GTSE1: variants seen among roughly 807,000 people sequenced by gnomAD.
GTSE1 encodes G2 and S-phase expressed 1.
GTSE1 carries 52 observed loss-of-function variants against 60.5 expected under a neutral mutation model. The ratio of observed to expected loss-of-function variants is 0.86; its 90% CI spans 0.69 to 1.08. The LOEUF (loss-of-function observed/expected upper bound fraction) is 1.08. Ranked by LOEUF, GTSE1 falls within the 50% of genes least tolerant of loss-of-function variation. GTSE1 has a pLI of 0.00. For synonymous variants in GTSE1, 368 were observed against 386.5 expected (o/e 0.95, Z 0.56); for missense variants, 937 against 961.8 (o/e 0.97, Z 0.34).
At chr22:46,302,974 A>C (rs1377665418) in intron 2 of GTSE1, among the ~76,000 whole-genome samples, 1 of 139,478 alleles carries the variant, frequency 7.2e-6, no homozygotes, top group Non-Finnish European at 1.5e-5. Context: ...ATCTTGGCTC[A>C]CTGCAAGCTC....
chr22:46,324,314 T>C lies in GTSE1; in HGVS notation c.1505+1052T>C, dbSNP rs1223250757. On this transcript the variant is annotated intron_variant, in intron 8 of 11. Transcript: ENST00000454366. The surrounding 1 kb of genome is among the most constrained non-coding windows in gnomAD (Gnocchi z 5.2). ...CCTCACTTGCCTCTCTGTGCCTCAG[T>C]TTCCTCACCTCACCCAGGGTTACTT... 2.0e-5 allele frequency among the ~76,000 whole-genome samples: 3 copies of C among 152,190 alleles called. No homozygotes were observed. Among genetic ancestry groups the C allele is most frequent in the African/African-American group, 7.2e-5 (3 of 41,458 alleles).
intron 2 of GTSE1, among the ~76,000 whole-genome samples, chr22:46,298,916 C>A (rs2077673610): frequency 6.6e-6 from 1 of 152,220 alleles, no homozygotes; most frequent in Admixed American, 6.5e-5. Flanking sequence ...CGTTGCCTCT[C>A]CATTGCTGTG....
At chr22:46,306,338 C>T (rs972336912) in intron 2 of GTSE1, among the ~76,000 whole-genome samples, 2 of 151,840 alleles carry the variant, frequency 1.3e-5, no homozygotes, top group African/African-American at 2.4e-5. Flanking sequence ...CCTGCCACCA[C>T]GCCCGGCTAA....
Position 46,310,537 on chromosome 22 carries a change from A to C in GTSE1, c.762+1594A>C, listed in dbSNP as rs1245953962. 6.6e-6 allele frequency among the ~76,000 whole-genome samples: 1 copy of C among 152,230 alleles called. No homozygotes were observed. The highest frequency in any genetic ancestry group is 1.5e-5 in the Non-Finnish European group (1 of 68,034). On this transcript the variant is annotated intron_variant, in intron 4 of 11. Coordinates refer to ENST00000454366, the MANE Select transcript of GTSE1 (RefSeq NM_016426.7). The surrounding 1 kb of genome is among the most constrained non-coding windows in gnomAD (Gnocchi z 4.4). ...GCAGATGTTCGAAGCAGCATTATTC[A>C]TAACAGCCAAAAAAGTAGGACCAAC... is the stretch of plus-strand genomic sequence containing the variant.
chr22:46,326,296 C>G lies in GTSE1; in HGVS notation c.1506-140C>G, dbSNP rs574019902. ...CGCCTTGGGGCCTGTCCCAGGAGAG[C>G]GGAGCTCACACGGGCTCCCTGGCTT... On this transcript the variant is annotated intron_variant, in intron 8 of 11. Transcript: ENST00000454366. 4.6e-3 allele frequency: 2,979 copies of G among 650,082 alleles called. 12 individuals are homozygous for G. The highest frequency in any genetic ancestry group is 6.5e-3 in the Non-Finnish European group (2,604 of 400,742). The allele number at this position is 650,082 out of a possible 1,614,324, so 40.3% of individuals were successfully genotyped here.
rs145330697 is a variant in GTSE1, at chr22:46,308,874, C to A, written c.693C>A (p.Pro231=). Residue 231 remains proline, a synonymous_variant, in exon 4 of 12, where the codon CCC becomes CCA. Transcript: ENST00000454366. The part of the protein sequence containing the change: ...AASQAATQRK[P]GTKLLLPRAA... ...GTCAGGCAGCGACTCAGAGGAAGCC[C>A]GGGACCAAATTGCTGCTGCCTCGAG... 31 of 1,613,080 alleles carry A rather than the reference C, an allele frequency of 1.9e-5. No homozygotes were observed. The South Asian group carries it at 3.3e-4, about 17-fold the overall frequency.
At position 46,319,351 on chromosome 22, in the gene GTSE1, C is replaced by T. The variant is rs748549732; in HGVS notation, c.1432+2939C>T. On this transcript the variant is annotated intron_variant, in intron 7 of 11. Transcript: ENST00000454366. This position sits in a 1 kb window ranked among gnomAD's most constrained non-coding sequence, Gnocchi z 5.0. ...CCGAAGAGTGGTGGGGAGGGTAATGCGGACCTGGCCCTCACTGTGTTGGGG... is the reference window on the plus strand; with the variant it reads ...CCGAAGAGTGGTGGGGAGGGTAATGTGGACCTGGCCCTCACTGTGTTGGGG... Among the ~76,000 whole-genome samples the T allele has an allele frequency of 1.3e-5, 2 of 152,052 alleles. No individual in the cohort carries two copies. Among genetic ancestry groups the T allele is most frequent in the African/African-American group, 2.4e-5 (1 of 41,396 alleles).
chr22:46,328,753 G>C lies in GTSE1; in HGVS notation c.1790G>C (p.Arg597Thr), dbSNP rs200478512. ...AGGCTGGTGGATGTGTCCCCTGACA[G>C]GGGTTCTCCTCCTTCCCGTGTGCCT... ...DSRLVDVSPD[R>T]GSPPSRVPQA... is the part of the protein sequence containing the mutation. The change falls in exon 10 of 12, where the codon AGG becomes ACG. Residue 597 changes from arginine to threonine, a missense_variant. Physicochemically the swap from Arg to Thr is moderately conservative, Grantham distance 71. Coordinates refer to ENST00000454366, the MANE Select transcript of GTSE1 (RefSeq NM_016426.7). The C allele has an allele frequency of 4.2e-5, 67 of 1,613,858 alleles. No homozygotes were observed. The East Asian group carries it at 1.4e-3, about 35-fold the overall frequency.
intron 2 of GTSE1, among the ~76,000 whole-genome samples, chr22:46,302,537 T>A (rs1313631231): frequency 6.6e-6 from 1 of 152,032 alleles, no homozygotes; most frequent in Non-Finnish European, 1.5e-5. Context: ...AATTTTTGTA[T>A]TTTTTGTACA....
At position 46,312,305 on chromosome 22, in the gene GTSE1, G is replaced by A. The variant is rs1351501293; in HGVS notation, c.927G>A (p.Lys309=). The A allele has an allele frequency of 1.9e-6, 3 of 1,608,126 alleles. No individual in the cohort carries two copies. The highest frequency in any genetic ancestry group is 1.7e-5 in the Admixed American group (1 of 58,894). The part of the protein sequence containing the change: ...QGKRAIPVPN[K]LGLKKTLLKA... ...AGCGGGCGATCCCTGTTCCAAACAA[G>A]GTGAGTTGGCTGCTGGGGCCCAAAC... The change falls in exon 5 of 12, where the codon AAG becomes AAA. Residue 309 remains lysine, a splice_region_variant and synonymous_variant. Coordinates refer to ENST00000454366, the MANE Select transcript of GTSE1 (RefSeq NM_016426.7).
Position 46,309,482 on chromosome 22 carries a change from G to A in GTSE1, c.762+539G>A, listed in dbSNP as rs868309685. Among the ~76,000 whole-genome samples the A allele has an allele frequency of 2.1e-4, 32 of 152,122 alleles. No individual in the cohort carries two copies. Among genetic ancestry groups the A allele is most frequent in the African/African-American group, 9.7e-5 (4 of 41,428 alleles). On this transcript the variant is annotated intron_variant, in intron 4 of 11. Transcript: ENST00000454366. The surrounding 1 kb of genome is among the most constrained non-coding windows in gnomAD (Gnocchi z 6.2). ...GGGCTGCCCGATCTGGCTCTTGCTCGGGAGAGGCCACAGAGAGGAAGACGG... is the reference window on the plus strand; with the variant it reads ...GGGCTGCCCGATCTGGCTCTTGCTCAGGAGAGGCCACAGAGAGGAAGACGG...
chr22:46,313,851 A>C lies in GTSE1; in HGVS notation c.928-39A>C. ...AGACACAAGTAATAGGTAAATAACG[A>C]GATCTTTGCTGATTCTGTTTTTTCA... On this transcript the variant is annotated intron_variant, in intron 5 of 11. Transcript: ENST00000454366. The surrounding 1 kb of genome is among the most constrained non-coding windows in gnomAD (Gnocchi z 4.4). The C allele has an allele frequency of 6.2e-7, 1 of 1,612,210 alleles. No individual in the cohort carries two copies. Among genetic ancestry groups the C allele is most frequent in the East Asian group, 2.2e-5 (1 of 44,810 alleles).
intron 10 of GTSE1, 84 bp downstream of exon 10, chr22:46,328,973 C>T (rs1372362789): frequency 9.0e-7 from 1 of 1,106,246 alleles, no homozygotes; most frequent in Admixed American, 1.8e-5. Context: ...AGGGCTGTGG[C>T]TGGCGGAGTT....
Position 46,330,707 on chromosome 22 carries a change from T to C in GTSE1, c.*577T>C, listed in dbSNP as rs1024155745. ...GAAGAATTTTCTTTTGAATGTTTTG[T>C]ATGTAAAATAGCAAGTGGCTATTTT... On this transcript the variant is annotated 3_prime_UTR_variant, in exon 12 of 12. Transcript: ENST00000454366. This position sits in a 1 kb window ranked among gnomAD's most constrained non-coding sequence, Gnocchi z 6.0. The C allele has an allele frequency of 6.6e-6, 1 of 152,502 alleles. No homozygotes were observed. The highest frequency in any genetic ancestry group is 2.4e-5 in the African/African-American group (1 of 41,450). The allele number at this position is 152,502 out of a possible 1,614,324, so 9.4% of individuals were successfully genotyped here. A position where few individuals can be genotyped will look rare whatever the true frequency, so the allele number is the denominator to read the frequency against.
In GTSE1 at chr22:46,319,777, G is replaced by C. The variant is rs1779790610; in HGVS notation, c.1432+3365G>C. On this transcript the variant is annotated intron_variant, in intron 7 of 11. Transcript: ENST00000454366. This position sits in a 1 kb window ranked among gnomAD's most constrained non-coding sequence, Gnocchi z 5.0. The stretch of plus-strand genomic sequence containing the variant: ...GAGGTGAGCAGATCACCTGAGGTCA[G>C]GAGTTCGAGAGCAGCCTGGTCAACA... Among the ~76,000 whole-genome samples the C allele has an allele frequency of 6.6e-6, 1 of 152,104 alleles. No homozygotes were observed. Among genetic ancestry groups the C allele is most frequent in the Admixed American group, 6.6e-5 (1 of 15,266 alleles).
intron 2 of GTSE1, among the ~76,000 whole-genome samples, chr22:46,299,486 A>G (rs1463687102): frequency 6.6e-6 from 1 of 151,984 alleles, no homozygotes; most frequent in Non-Finnish European, 1.5e-5. Flanking sequence ...CTCATCACCC[A>G]TTTTATTTCT....
rs1206455226 is a variant in GTSE1 at position 46,302,709 on chromosome 22, C to T, written c.79+5230C>T. Among the ~76,000 whole-genome samples, 8 of 151,968 alleles carry T rather than the reference C, an allele frequency of 5.3e-5. No homozygotes were observed. In the South Asian group the frequency reaches 1.7e-3, roughly 32 times the overall value. On this transcript the variant is annotated intron_variant, in intron 2 of 11. Coordinates refer to ENST00000454366, the MANE Select transcript of GTSE1 (RefSeq NM_016426.7). Reference sequence around the variant, plus strand: ...GTTTAGTGTCATAGTTAGAAGTCCACACTCCCAAGTTACAAAAGTTTCCTC... The same window carrying T: ...GTTTAGTGTCATAGTTAGAAGTCCATACTCCCAAGTTACAAAAGTTTCCTC...
At position 46,297,458 on chromosome 22, in the gene GTSE1, A is replaced by G. The variant is rs1465030794; in HGVS notation, c.58A>G (p.Met20Val). The G allele has an allele frequency of 2.5e-6, 4 of 1,613,352 alleles. No individual in the cohort carries two copies. The highest frequency in any genetic ancestry group is 3.4e-6 in the Non-Finnish European group (4 of 1,179,272). ...PSACRAGDVN[M>V]DDPKKEDILL... is the part of the protein sequence containing the mutation. The stretch of plus-strand genomic sequence containing the variant: ...AGCCTGCCGGGCAGGGGACGTGAAC[A>G]TGGATGACCCTAAGAAGGAAGGCAA... The change falls in exon 2 of 12, where the codon ATG (methionine) becomes GTG (valine). Residue 20 changes from methionine to valine, a missense_variant. Physicochemically the swap from Met to Val is conservative, Grantham distance 21. Transcript: ENST00000454366. The surrounding 1 kb of genome is among the most constrained non-coding windows in gnomAD (Gnocchi z 4.9).
rs749314328 is a variant in GTSE1 at position 46,326,661 on chromosome 22, C to T, written c.1724+7C>T. The stretch of plus-strand genomic sequence containing the variant: ...GCAAGAACTCTGCAATGAGGTAAGA[C>T]ACGAAGGTGGTAATAAATTGGTCTC... On this transcript the variant is annotated splice_region_variant and intron_variant, in intron 9 of 11. Coordinates refer to ENST00000454366, the MANE Select transcript of GTSE1 (RefSeq NM_016426.7). 2 of 1,579,426 alleles carry T rather than the reference C, an allele frequency of 1.3e-6. No individual in the cohort carries two copies. The highest frequency in any genetic ancestry group is 1.8e-5 in the Admixed American group (1 of 57,048).
Sources: allele counts gnomAD v4.1 joint callset (sites outside exome capture counted in the v4.1 genomes callset), GRCh38; gene constraint gnomAD v4.1.1; non-coding constraint Gnocchi (gnomAD v3.1); transcripts MANE v1.5; gene names NCBI Gene and HGNC (gene_info 2026-07-23, HGNC 2026-07-21).